RASGEF1A: variants seen among roughly 807,000 people sequenced by gnomAD.
The protein encoded by RASGEF1A is ras-GEF domain-containing family member 1A.
In RASGEF1A, 18 loss-of-function variants were observed where a neutral mutation model predicts 56.4. The ratio of observed to expected loss-of-function variants is 0.32; its 90% confidence interval spans 0.22 to 0.47. The LOEUF is 0.47. RASGEF1A is among the 20% of genes least tolerant of loss of function. The pLI is 1.00. For synonymous variants in RASGEF1A, 245 were observed against 242.6 expected (o/e 1.01, Z -0.09); for missense variants, 422 against 627.1 (o/e 0.67, Z 3.49).
intron 1 of RASGEF1A, among the ~76,000 whole-genome samples, chr10:43,264,120 C>G (rs1836582660): frequency 6.6e-6 from 1 of 152,096 alleles, no homozygotes; most frequent in Non-Finnish European, 1.5e-5. Context: ...CGCCAAGCCA[C>G]TGCTGGCCAT....
chr10:43,261,274 A>G (rs554118844), intron 1 of RASGEF1A, among the ~76,000 whole-genome samples: 2 of 152,324 alleles, frequency 1.3e-5, no homozygotes, highest in African/African-American at 4.8e-5. Flanking sequence ...GTCACCTCAC[A>G]GCAGGTCTAA....
chr10:43,208,357 C>A, intron 1 of RASGEF1A: 1 of 985,956 alleles, frequency 1.0e-6, no homozygotes. Context: ...CCCCACAGGG[C>A]AAGGCCACTC....
At chr10:43,246,759 T>C (rs948708444) in intron 1 of RASGEF1A, among the ~76,000 whole-genome samples, 1 of 152,174 alleles carries the variant, frequency 6.6e-6, no homozygotes, top group Non-Finnish European at 1.5e-5. Flanking sequence ...GTACCACATA[T>C]AAAAATGAAT....
At chr10:43,199,263 A>C in intron 7 of RASGEF1A, 69 bp from the exon 8 acceptor site, 3 of 1,212,202 alleles carry the variant, frequency 2.5e-6, no homozygotes, top group Admixed American at 3.9e-5. Context: ...CGCCGGGCAG[A>C]GGAACAGAGG....
rs781221269 is a variant in RASGEF1A, at chr10:43,201,798, G to A, written c.459+10C>T. ...CCAAAGACCCTGGCCAGAGCCCAGG[G>A]AGCACTCACCTCATCACACTGGGTG... On this transcript the variant is annotated intron_variant, in intron 4 of 12. Transcript: ENST00000395810. 7 of 1,571,862 alleles carry A rather than the reference G, an allele frequency of 4.5e-6. No individual in the cohort carries two copies. Among genetic ancestry groups the A allele is most frequent in the Non-Finnish European group, 5.2e-6 (6 of 1,150,012 alleles).
chr10:43,245,712 C>A (rs1173875923), intron 1 of RASGEF1A, among the ~76,000 whole-genome samples: 4 of 152,114 alleles, frequency 2.6e-5, no homozygotes, highest in East Asian at 1.9e-4. Context: ...ATCCAACATC[C>A]TTTGAAGATT....
chr10:43,231,125 C>A (rs887807169), intron 1 of RASGEF1A, among the ~76,000 whole-genome samples: 1 of 152,234 alleles, frequency 6.6e-6, no homozygotes, highest in Non-Finnish European at 1.5e-5. Context: ...AGTGGCCCTC[C>A]AGCTTTCACA....
intron 1 of RASGEF1A, among the ~76,000 whole-genome samples, chr10:43,236,651 T>C (rs906664902): frequency 6.6e-6 from 1 of 152,256 alleles, no homozygotes; most frequent in Non-Finnish European, 1.5e-5. Flanking sequence ...CCAATTACTA[T>C]GAATGGCTTC....
intron 1 of RASGEF1A, among the ~76,000 whole-genome samples, chr10:43,248,719 T>A (rs2133223120): frequency 6.6e-6 from 1 of 152,350 alleles, no homozygotes; most frequent in African/African-American, 2.4e-5. Context: ...TTTTTTCTTA[T>A]TCATTTTTCT....
intron 1 of RASGEF1A, among the ~76,000 whole-genome samples, chr10:43,242,774 C>A (rs1181292449): frequency 6.8e-6 from 1 of 147,508 alleles, no homozygotes; most frequent in African/African-American, 2.4e-5. Context: ...CTCGGGTGAT[C>A]TGCCCACCTC....
rs559925447 is a variant in RASGEF1A at position 43,230,090 on chromosome 10, T to C, written c.-6-23968A>G. Among the ~76,000 whole-genome samples, 59 of 151,426 alleles carry C rather than the reference T, an allele frequency of 3.9e-4. No homozygotes were observed. The East Asian group carries it at 8.3e-3, about 21-fold the overall frequency. On this transcript the variant is annotated intron_variant, in intron 1 of 12. Coordinates refer to ENST00000395810, the MANE Select transcript of RASGEF1A (RefSeq NM_145313.4). Reference sequence around the variant, plus strand: ...GCGGGGCCGGCGAGGGGGCGCAGCGTGGGTCGGGGCTCGGCGCGGGAAGGG... The same window carrying C: ...GCGGGGCCGGCGAGGGGGCGCAGCGCGGGTCGGGGCTCGGCGCGGGAAGGG...
At chr10:43,245,151 TA>T (rs1840555361) in intron 1 of RASGEF1A, among the ~76,000 whole-genome samples, 1 of 152,082 alleles carries the variant, frequency 6.6e-6, no homozygotes, top group African/African-American at 2.4e-5. Flanking sequence ...AAAAGCACTA[TA>T]AGGGAATACT....
At chr10:43,237,895 C>G (rs941269378) in intron 1 of RASGEF1A, among the ~76,000 whole-genome samples, 3 of 152,312 alleles carry the variant, frequency 2.0e-5, no homozygotes, top group African/African-American at 4.8e-5. Flanking sequence ...GGAATAGAGC[C>G]CTGTCCTGCA....
At chr10:43,260,035 T>G (rs1181062185) in intron 1 of RASGEF1A, among the ~76,000 whole-genome samples, 1 of 152,082 alleles carries the variant, frequency 6.6e-6, no homozygotes, top group African/African-American at 2.4e-5. Context: ...CCTCTGCCCC[T>G]CTCTGCAGAC....
At chr10:43,209,014 C>T (rs995460352) in intron 1 of RASGEF1A, 79 of 985,408 alleles carry the variant, frequency 8.0e-5, no homozygotes, top group Non-Finnish European at 9.2e-5. Context: ...GCCCTGAGGT[C>T]GCTTGTTCTT....
Position 43,203,684 on chromosome 10 carries a change from TTCTCCCCC to T in RASGEF1A, c.199-272_199-265del, listed in dbSNP as rs1031827846. 4.4e-4 allele frequency: 519 copies of T among 1,177,104 alleles called. 1 individual carries two copies. Among genetic ancestry groups the T allele is most frequent in the Admixed American group, 6.6e-4 (15 of 22,766 alleles). 72.9% of individuals were successfully genotyped at this position (1,177,104 alleles called of 1,614,324 possible). A position where few individuals can be genotyped will look rare whatever the true frequency, so the allele number is the denominator to read the frequency against. On this transcript the variant is annotated intron_variant, in intron 2 of 12. Transcript: ENST00000395810. ...TCCTAGCAGTCTTCCTCCGCTGGGA[TTCTCCCCC>T]TCTCTGCCCCACGCCACCATAGGGC...
intron 2 of RASGEF1A, among the ~76,000 whole-genome samples, chr10:43,204,424 C>T (rs1318807043): frequency 1.3e-5 from 2 of 152,146 alleles, no homozygotes; most frequent in Admixed American, 6.5e-5. Context: ...GCAAACTTCC[C>T]ACACCCTGCC....
rs1839769455 is a variant in RASGEF1A at position 43,194,591 on chromosome 10, GTCCT to G, written c.*1649_*1652del. The G allele has an allele frequency of 1.3e-5, 2 of 152,202 alleles. No homozygotes were observed. The highest frequency in any genetic ancestry group is 2.1e-4 in the South Asian group (1 of 4,830). 9.4% of individuals were successfully genotyped at this position (152,202 alleles called of 1,614,324 possible). A position where few individuals can be genotyped will look rare whatever the true frequency, so the allele number is the denominator to read the frequency against. On this transcript the variant is annotated 3_prime_UTR_variant, in exon 13 of 13. Coordinates refer to ENST00000395810, the MANE Select transcript of RASGEF1A (RefSeq NM_145313.4). ...TATGTCCAGTCACACCAAAACTGAC[GTCCT>G]GCATTATGGTACAGCTTCATACTCA...
intron 1 of RASGEF1A, among the ~76,000 whole-genome samples, chr10:43,252,608 A>C (rs1247969346): frequency 5.9e-5 from 9 of 151,976 alleles, no homozygotes; most frequent in Admixed American, 3.9e-4. Context: ...AAGGGAGGGG[A>C]CGTGACTGTG....
Sources: gnomAD v4.1 joint callset for allele counts (sites outside exome capture counted in the v4.1 genomes callset) on GRCh38, gnomAD v4.1.1 for gene constraint, MANE v1.5 for transcripts, NCBI Gene and HGNC (gene_info 2026-07-23, HGNC 2026-07-21) for gene names.